Variants in TMEM236 observed in about 807,000 individuals in gnomAD.
The protein encoded by TMEM236 is transmembrane protein 236, also known as family with sequence similarity 23, member A.
In TMEM236, 11 loss-of-function variants were observed where a neutral mutation model predicts 14.7. The observed-to-expected ratio is 0.75, with a 90% CI of 0.47 to 1.24. The LOEUF is 1.24. Among genes scored for constraint, TMEM236 ranks in the 50% most tolerant of loss-of-function variants. The pLI, the probability that TMEM236 is intolerant of heterozygous loss-of-function variation, is 0.00. For synonymous variants in TMEM236, 182 were observed against 168.6 expected (o/e 1.08, Z -0.62); for missense variants, 464 against 427.3 (o/e 1.09, Z -0.76).
chr10:17,787,079 G>C (rs1554835757), intron 3 of TMEM236, among the ~76,000 whole-genome samples: 2 of 152,130 alleles, frequency 1.3e-5, no homozygotes, highest in African/African-American at 4.8e-5. Flanking sequence ...CCCAGTCTTG[G>C]GTAGGTCTTT....
Position 17,752,391 on chromosome 10 carries a change from C to T in TMEM236, c.96C>T (p.Ala32=). The change falls in exon 1 of 4, where the codon GCC becomes GCT. Residue 32 remains alanine (A), a synonymous_variant. Coordinates refer to ENST00000377495, the MANE Select transcript of TMEM236 (RefSeq NM_001098844.3). ...CACTCGTGATCACAGAACAGTTTGC[C>T]ACCGCCTACCAAGGAACAAGGGCTA... The part of the protein sequence containing the change: ...IPTLVITEQF[A]TAYQGTRARS... 1 of 1,613,898 alleles carries T rather than the reference C, an allele frequency of 6.2e-7. No homozygotes were observed. The highest frequency in any genetic ancestry group is 1.1e-5 in the South Asian group (1 of 91,066).
Position 17,799,503 on chromosome 10 carries a change from G to A in TMEM236, c.*2999G>A, listed in dbSNP as rs1376834611. The A allele has an allele frequency of 6.6e-6, 1 of 152,192 alleles. No individual in the cohort carries two copies. Among genetic ancestry groups the A allele is most frequent in the African/African-American group, 2.4e-5 (1 of 41,426 alleles). The allele number at this position is 152,192 out of a possible 1,614,324, so 9.4% of individuals were successfully genotyped here. A position where few individuals can be genotyped will look rare whatever the true frequency, so the allele number is the denominator to read the frequency against. Reference sequence around the variant, plus strand: ...TCAGCTACTTGGGAGGCTGAGGCAGGAGAATCACTTGAACCTGGGAGGCAG... The same window carrying A: ...TCAGCTACTTGGGAGGCTGAGGCAGAAGAATCACTTGAACCTGGGAGGCAG... On this transcript the variant is annotated 3_prime_UTR_variant, in exon 4 of 4. Transcript: ENST00000377495.
chr10:17,778,891 T>C (rs1398731234), intron 3 of TMEM236, among the ~76,000 whole-genome samples: 1 of 152,208 alleles, frequency 6.6e-6, no homozygotes, highest in African/African-American at 2.4e-5. Context: ...AAGGAATCCT[T>C]TCTACTAACT....
intron 1 of TMEM236, among the ~76,000 whole-genome samples, chr10:17,755,497 G>A (rs896595198): frequency 5.9e-5 from 9 of 152,118 alleles, no homozygotes; most frequent in Non-Finnish European, 2.9e-5. Flanking sequence ...TCATTTTCCC[G>A]AAAGCAGGGG....
At chr10:17,778,647 A>G (rs1415928214) in intron 3 of TMEM236, among the ~76,000 whole-genome samples, 2 of 152,188 alleles carry the variant, frequency 1.3e-5, no homozygotes, top group Non-Finnish European at 2.9e-5. Flanking sequence ...TGCTCTTTCC[A>G]GATAGTCTGA....
intron 3 of TMEM236, among the ~76,000 whole-genome samples, chr10:17,784,778 T>C (rs1201222919): frequency 6.6e-6 from 1 of 152,176 alleles, no homozygotes; most frequent in Non-Finnish European, 1.5e-5. Context: ...GCAAATTTTC[T>C]GCTGAGAACA....
At chr10:17,776,271 T>C in intron 3 of TMEM236, 101 bp downstream of exon 3, 1 of 1,138,002 alleles carries the variant, frequency 8.8e-7, no homozygotes, top group Non-Finnish European at 1.3e-6. Context: ...TACCTTTTCT[T>C]AGGGCTAACA....
intron 2 of TMEM236, among the ~76,000 whole-genome samples, chr10:17,775,717 C>G (rs1318971517): frequency 6.6e-6 from 1 of 152,228 alleles, no homozygotes; most frequent in Non-Finnish European, 1.5e-5. Context: ...TTCTTAGAAG[C>G]TCTGCTCAGC....
intron 2 of TMEM236, among the ~76,000 whole-genome samples, chr10:17,775,611 G>A (rs984103460): frequency 9.2e-5 from 14 of 152,190 alleles, no homozygotes; most frequent in Non-Finnish European, 1.6e-4. Context: ...AGCAGACGAA[G>A]GAAGTGTCCC....
At position 17,798,458 on chromosome 10, in the gene TMEM236, G is replaced by A. The variant is rs1838049632; in HGVS notation, c.*1954G>A. The A allele has an allele frequency of 2.2e-6, 1 of 456,544 alleles. No homozygotes were observed. The highest frequency in any genetic ancestry group is 2.0e-5 in the African/African-American group (1 of 48,932). The allele number at this position is 456,544 out of a possible 1,614,324, so 28.3% of individuals were successfully genotyped here. ...GGAGGCTGGGGCAGGAAGATTGCTT[G>A]AGCCCAGGAGGTCAAGGCTACAGTG... is the stretch of plus-strand genomic sequence containing the variant. On this transcript the variant is annotated 3_prime_UTR_variant, in exon 4 of 4. Coordinates refer to ENST00000377495, the MANE Select transcript of TMEM236 (RefSeq NM_001098844.3).
At chr10:17,756,222 C>T (rs1275146812) in intron 1 of TMEM236, among the ~76,000 whole-genome samples, 2 of 152,180 alleles carry the variant, frequency 1.3e-5, no homozygotes, top group Non-Finnish European at 2.9e-5. Flanking sequence ...CCACTGCACT[C>T]TAGCCTGGGT....
At chr10:17,790,774 T>C (rs1169765528) in intron 3 of TMEM236, among the ~76,000 whole-genome samples, 12 of 152,228 alleles carry the variant, frequency 7.9e-5, no homozygotes, top group Non-Finnish European at 1.3e-4. Context: ...CCTCTAACCA[T>C]TTTCCCCTTG....
At chr10:17,760,503 AT>A (rs1348011050) in intron 1 of TMEM236, among the ~76,000 whole-genome samples, 1 of 152,138 alleles carries the variant, frequency 6.6e-6, no homozygotes, top group Non-Finnish European at 1.5e-5. Flanking sequence ...GGTGTTTTTG[AT>A]ATGGAGAATT....
intron 1 of TMEM236, among the ~76,000 whole-genome samples, chr10:17,760,612 G>T (rs1365241676): frequency 6.6e-6 from 1 of 152,154 alleles, no homozygotes; most frequent in African/African-American, 2.4e-5. Context: ...ATAGTTGACT[G>T]CAGGCTTTAT....
Position 17,796,471 on chromosome 10 carries a change from G to A in TMEM236, c.1023G>A (p.Arg341=). The change falls in exon 4 of 4, where the codon AGG becomes AGA. Residue 341 remains arginine (R), a synonymous_variant. Coordinates refer to ENST00000377495, the MANE Select transcript of TMEM236 (RefSeq NM_001098844.3). The stretch of plus-strand genomic sequence containing the variant: ...ACTTCAATTACCTAACCAGAATCAG[G>A]ATTTTTTCTGCCTTTGAAATGTCTC... The part of the protein sequence containing the change: ...YIYFNYLTRI[R]IFSAFEMSPF 1 of 1,613,298 alleles carries A rather than the reference G, an allele frequency of 6.2e-7. No homozygotes were observed. The highest frequency in any genetic ancestry group is 8.5e-7 in the Non-Finnish European group (1 of 1,179,708).
chr10:17,796,367 G>A lies in TMEM236; in HGVS notation c.919G>A (p.Gly307Ser), dbSNP rs953306960. The A allele has an allele frequency of 6.2e-7, 1 of 1,613,742 alleles. No homozygotes were observed. Among genetic ancestry groups the A allele is most frequent in the African/African-American group, 1.3e-5 (1 of 74,862 alleles). Residue 307 changes from glycine to serine, a missense_variant, in exon 4 of 4, where the codon GGT becomes AGT. Physicochemically the swap from Gly to Ser is moderately conservative, Grantham distance 56. Transcript: ENST00000377495. ...TTTACCATTCGTTTTTGTTAGACTT[G>A]GTTTAATCATTGCCCTGGGGACTAT... ...QDLPFVFVRL[G>S]LIIALGTITP...
At chr10:17,780,879 A>G (rs2131756936) in intron 3 of TMEM236, among the ~76,000 whole-genome samples, 1 of 152,330 alleles carries the variant, frequency 6.6e-6, no homozygotes, top group South Asian at 2.1e-4. Context: ...ACCGGGTTTT[A>G]TAGACAGGCT....
At chr10:17,765,398 C>CT (rs1739610179) in intron 1 of TMEM236, among the ~76,000 whole-genome samples, 1 of 152,156 alleles carries the variant, frequency 6.6e-6, no homozygotes, top group Non-Finnish European at 1.5e-5. Flanking sequence ...AGCATCAACT[C>CT]TAAGTCCCAA....
At chr10:17,794,158 A>T (rs1373137024) in intron 3 of TMEM236, among the ~76,000 whole-genome samples, 1 of 152,316 alleles carries the variant, frequency 6.6e-6, no homozygotes, top group Admixed American at 6.5e-5. Flanking sequence ...TCCTACTTAC[A>T]GTAGGTAAGC....
Sources: allele counts gnomAD v4.1 joint callset (sites outside exome capture counted in the v4.1 genomes callset), GRCh38; gene constraint gnomAD v4.1.1; transcripts MANE v1.5; gene names NCBI Gene and HGNC (gene_info 2026-07-23, HGNC 2026-07-21).